The following CDH15 variants were observed in gnomAD, a reference collection of about 807,000 sequenced individuals.
CDH15 encodes the protein cadherin 15.
CDH15 carries 73 observed loss-of-function variants against 69.4 expected under a neutral mutation model. That is an observed-to-expected ratio of 1.05 (90% CI 0.87 to 1.28). The LOEUF (loss-of-function observed/expected upper bound fraction) is 1.28. Ranked by LOEUF, CDH15 falls within the 50% of genes most tolerant of loss-of-function variation. The pLI is 0.00. For missense variants in CDH15, 1,343 were observed against 1,133.6 expected (o/e 1.18, Z -2.65); for synonymous variants, 624 against 507.7 (o/e 1.23, Z -3.08).
chr16:89,193,378 CG>C, intron 11 of CDH15, 91 bp from the exon 12 acceptor site: 1 of 816,996 alleles, frequency 1.2e-6, no homozygotes, highest in Non-Finnish European at 1.9e-6. Context: ...AGCCTTGCCC[CG>C]CCCCGCCCCC....
At chr16:89,191,541 C>G in intron 9 of CDH15, 69 bp downstream of exon 9, 1 of 1,597,802 alleles carries the variant, frequency 6.3e-7, no homozygotes, top group Non-Finnish European at 8.5e-7. Context: ...CTGCCAGTGT[C>G]GGAGGGCTCT....
intron 1 of CDH15, among the ~76,000 whole-genome samples, chr16:89,175,093 G>A (rs767800354): frequency 6.6e-6 from 1 of 152,200 alleles, no homozygotes; most frequent in Non-Finnish European, 1.5e-5. Context: ...GCCCTGCCAA[G>A]GCTCTGTGGC....
At chr16:89,174,305 GGGGTT>G (rs2151597116) in intron 1 of CDH15, among the ~76,000 whole-genome samples, 1 of 152,316 alleles carries the variant, frequency 6.6e-6, no homozygotes, top group Non-Finnish European at 1.5e-5. Context: ...GCCTGGGGGA[GGGGTT>G]GAAGCCTGAG....
chr16:89,172,730 A>T (rs1362267127), intron 1 of CDH15, among the ~76,000 whole-genome samples: 1 of 152,092 alleles, frequency 6.6e-6, no homozygotes, highest in Non-Finnish European at 1.5e-5. Context: ...GACATGGAGG[A>T]TGTGGCCTCA....
Position 89,193,549 on chromosome 16 carries a change from C to T in CDH15, c.1935C>T (p.Asp645=), listed in dbSNP as rs1473841021. The change falls in exon 12 of 14, where the codon GAC becomes GAT. Residue 645 remains aspartate (D), a synonymous_variant. Coordinates refer to ENST00000289746, the MANE Select transcript of CDH15 (RefSeq NM_004933.3). ...AGGGGCTGCTGCACGGCCCCCAGGA[C>T]GACCTTCGAGACAATGTCCTCAACT... ...RGKGLLHGPQ[D]DLRDNVLNYD... 2.5e-6 allele frequency: 4 copies of T among 1,611,350 alleles called. No individual in the cohort carries two copies. Among genetic ancestry groups the T allele is most frequent in the Non-Finnish European group, 3.4e-6 (4 of 1,179,504 alleles).
chr16:89,178,539 A>G (rs1325383629), intron 1 of CDH15, among the ~76,000 whole-genome samples: 1 of 152,068 alleles, frequency 6.6e-6, no homozygotes, highest in Non-Finnish European at 1.5e-5. Flanking sequence ...TTGGCTGTGC[A>G]GCCACAACAA....
rs775954523 is a variant in CDH15, at chr16:89,193,624, G to T, written c.1992+18G>T. 4 of 1,577,236 alleles carry T rather than the reference G, an allele frequency of 2.5e-6. No homozygotes were observed. The highest frequency in any genetic ancestry group is 3.4e-6 in the Non-Finnish European group (4 of 1,161,594). On this transcript the variant is annotated intron_variant, in intron 12 of 13. Transcript: ENST00000289746. ...AGGACCAGGTGAGGGGGCAGGTGTG[G>T]GTGGGGAGGGGTCCCCAAGGAACCC...
intron 1 of CDH15, among the ~76,000 whole-genome samples, chr16:89,174,928 G>C (rs372648260): frequency 6.6e-6 from 1 of 152,216 alleles, no homozygotes; most frequent in Non-Finnish European, 1.5e-5. Flanking sequence ...TCCCCAGGAC[G>C]GCTCCCAGGC....
chr16:89,173,981 T>A (rs1032422614), intron 1 of CDH15, among the ~76,000 whole-genome samples: 18 of 152,052 alleles, frequency 1.2e-4, no homozygotes, highest in Admixed American at 1.1e-3. Context: ...AGCCCCTTGG[T>A]CTCTGGGAGA....
At position 89,195,284 on chromosome 16, in the gene CDH15, C is replaced by A; in HGVS notation, c.*129C>A. On this transcript the variant is annotated 3_prime_UTR_variant, in exon 14 of 14. Coordinates refer to ENST00000289746, the MANE Select transcript of CDH15 (RefSeq NM_004933.3). ...AGCCTCCTTCCTGTAGGCGAGGGCC[C>A]AAGTCTGGGGGCAGAACCTGAGTGT... The A allele has an allele frequency of 1.0e-6, 1 of 995,220 alleles. No individual in the cohort carries two copies. The highest frequency in any genetic ancestry group is 1.4e-6 in the Non-Finnish European group (1 of 698,798). The allele number at this position is 995,220 out of a possible 1,614,324, so 61.6% of individuals were successfully genotyped here.
chr16:89,194,485 C>T (rs1915747080), intron 13 of CDH15, among the ~76,000 whole-genome samples: 1 of 152,200 alleles, frequency 6.6e-6, no homozygotes, highest in Non-Finnish European at 1.5e-5. Context: ...CTCCGAAAGG[C>T]AGACGGGCCG....
intron 5 of CDH15, 120 bp from the exon 6 acceptor site, chr16:89,187,309 C>T: frequency 1.7e-6 from 2 of 1,203,212 alleles, no homozygotes; most frequent in Non-Finnish European, 2.4e-6. Flanking sequence ...GGGTCTTCAA[C>T]ACCCACTGGG....
In CDH15 at chr16:89,183,545, C is replaced by T. The variant is rs753153324; in HGVS notation, c.358-3C>T. On this transcript the variant is annotated splice_polypyrimidine_tract_variant and splice_region_variant and intron_variant, in intron 3 of 13. Transcript: ENST00000289746. ...AGCCAGCCCTTGCTCTATGTTTGAACAGCTAAGAGCGTTTGCCCTGGACCT... is the reference window on the plus strand; with the variant it reads ...AGCCAGCCCTTGCTCTATGTTTGAATAGCTAAGAGCGTTTGCCCTGGACCT... 1 of 1,614,110 alleles carries T rather than the reference C, an allele frequency of 6.2e-7. No individual in the cohort carries two copies. Among genetic ancestry groups the T allele is most frequent in the East Asian group, 2.2e-5 (1 of 44,878 alleles).
intron 8 of CDH15, 111 bp from the exon 9 acceptor site, chr16:89,191,219 A>G: frequency 1.6e-6 from 2 of 1,218,160 alleles, no homozygotes; most frequent in Non-Finnish European, 2.4e-6. Context: ...TGCATGTGGT[A>G]TGTATGTGTG....
chr16:89,190,337 G>C lies in CDH15; in HGVS notation c.1073G>C (p.Gly358Ala). 6.2e-7 allele frequency: 1 copy of C among 1,612,542 alleles called. No homozygotes were observed. Among genetic ancestry groups the C allele is most frequent in the Non-Finnish European group, 8.5e-7 (1 of 1,179,866 alleles). The part of the protein sequence containing the change: ...LQAAALRAER[G>A]QAKVRVHVQD... The stretch of plus-strand genomic sequence containing the variant: ...GCGGCTGCCCTTAGGGCTGAGCGGG[G>C]CCAGGCCAAGGTCCGCGTGCATGTG... Residue 358 changes from glycine (G) to alanine (A), a missense_variant, in exon 8 of 14, where the codon GGC (glycine) becomes GCC (alanine). Coordinates refer to ENST00000289746, the MANE Select transcript of CDH15 (RefSeq NM_004933.3).
In CDH15 at chr16:89,172,273, T is replaced by A. The variant is rs528760161; in HGVS notation, c.42+400T>A. Among the ~76,000 whole-genome samples, 123 of 152,144 alleles carry A rather than the reference T, an allele frequency of 8.1e-4. 1 individual carries two copies. Among genetic ancestry groups the A allele is most frequent in the African/African-American group, 2.8e-3 (118 of 41,522 alleles). ...TGGGGGGCTGGGGGCCAGGTTTCTA[T>A]AGGGACTCCCTGCGGTGGGCACAGG... is the stretch of plus-strand genomic sequence containing the variant. On this transcript the variant is annotated intron_variant, in intron 1 of 13. Coordinates refer to ENST00000289746, the MANE Select transcript of CDH15 (RefSeq NM_004933.3).
intron 12 of CDH15, 52 bp downstream of exon 12, chr16:89,193,658 G>A (rs1350998614): frequency 1.9e-6 from 3 of 1,567,194 alleles, no homozygotes; most frequent in African/African-American, 2.7e-5. Flanking sequence ...CCAGGTCGCG[G>A]GCCTTCTTAC....
intron 3 of CDH15, among the ~76,000 whole-genome samples, chr16:89,180,798 A>G (rs1032557765): frequency 1.2e-4 from 19 of 152,044 alleles, no homozygotes; most frequent in Admixed American, 1.2e-3. Flanking sequence ...ATCTCGGCTC[A>G]CTGCAAGCTC....
At chr16:89,172,891 T>G (rs546564993) in intron 1 of CDH15, among the ~76,000 whole-genome samples, 1 of 152,140 alleles carries the variant, frequency 6.6e-6, no homozygotes, top group Non-Finnish European at 1.5e-5. Context: ...TCATTGCTCT[T>G]GTGGTCCTGG....
Sources: gnomAD v4.1 joint callset for allele counts (sites outside exome capture counted in the v4.1 genomes callset) on GRCh38, gnomAD v4.1.1 for gene constraint, MANE v1.5 for transcripts, NCBI Gene and HGNC (gene_info 2026-07-23, HGNC 2026-07-21) for gene names.